The following INTS4 variants were observed in gnomAD, a reference collection of about 807,000 sequenced individuals.
The protein encoded by INTS4 is MSTP093.
A neutral mutation model predicts 119.5 loss-of-function variants in INTS4; 70 were observed. The ratio of observed to expected loss-of-function variants is 0.59; its 90% CI spans 0.48 to 0.71. INTS4 has a LOEUF of 0.71. Ranked by LOEUF, INTS4 falls within the 30% of genes least tolerant of loss-of-function variation. The pLI is 0.00. For synonymous variants in INTS4, 316 were observed against 419.6 expected, an observed-to-expected ratio of 0.75 and a Z score of 3.02; for missense variants, 867 against 1,173.2, an observed-to-expected ratio of 0.74 and a Z score of 3.81.
Position 77,952,913 on chromosome 11 carries a change from T to C in INTS4, c.918+3029A>G, listed in dbSNP as rs193144782. Among the ~76,000 whole-genome samples, 7 of 152,304 alleles carry C rather than the reference T, an allele frequency of 4.6e-5. No homozygotes were observed. The East Asian group carries it at 7.7e-4, about 17-fold the overall frequency. On this transcript the variant is annotated intron_variant, in intron 8 of 22. Transcript: ENST00000534064. ...CCTCCCCACTCCCACCTAGAGTTCA[T>C]TGTAGATCCTCTGTAAATGCCGAAT...
intron 2 of INTS4, among the ~76,000 whole-genome samples, chr11:77,984,035 G>A (rs776671495): frequency 6.6e-6 from 1 of 152,128 alleles, no homozygotes; most frequent in South Asian, 2.1e-4. Flanking sequence ...ACACATAATG[G>A]AATATTATTT....
chr11:77,992,465 C>T (rs953905127), intron 1 of INTS4, among the ~76,000 whole-genome samples: 1 of 152,114 alleles, frequency 6.6e-6, no homozygotes, highest in Non-Finnish European at 1.5e-5. Context: ...CTTTGGGAGG[C>T]TGAGGCAGGA....
At chr11:77,981,190 C>CAAAAAAAAAAAAAAAAAAAA (rs35194381) in intron 3 of INTS4, among the ~76,000 whole-genome samples, 5 of 88,840 alleles carry the variant, frequency 5.6e-5, no homozygotes, top group Admixed American at 1.2e-4. Context: ...AACAAACAAG[C>CAAAAAAAAAAAAAAAAAAAA]AAAAAAAAAA....
chr11:77,962,464 A>G (rs1354580898), intron 4 of INTS4, among the ~76,000 whole-genome samples: 2 of 152,158 alleles, frequency 1.3e-5, no homozygotes, highest in African/African-American at 2.4e-5. Context: ...CTCCTGCATT[A>G]CCCTAGTCCA....
At chr11:77,956,200 A>G (rs1282531485) in intron 7 of INTS4, 138 bp from the exon 8 acceptor site, 5 of 822,588 alleles carry the variant, frequency 6.1e-6, no homozygotes, top group Non-Finnish European at 9.4e-6. Context: ...CTTGAGCCCA[A>G]GAGTTCAAGA....
chr11:77,923,947 T>C (rs1483520762), intron 12 of INTS4, among the ~76,000 whole-genome samples: 1 of 150,626 alleles, frequency 6.6e-6, no homozygotes, highest in Admixed American at 6.6e-5. Flanking sequence ...GCATTTTTAG[T>C]AGAGATGAGG....
At chr11:77,991,921 C>T (rs7120314) in intron 1 of INTS4, among the ~76,000 whole-genome samples, 58,308 of 151,704 alleles carry the variant, frequency 0.38, 11,399 homozygotes, top group African/African-American at 0.43. Context: ...CCACCTACTA[C>T]GTTCAAGCGA....
At chr11:77,926,164 G>A (rs943472846) in intron 11 of INTS4, among the ~76,000 whole-genome samples, 1 of 151,056 alleles carries the variant, frequency 6.6e-6, no homozygotes, top group African/African-American at 2.4e-5. Context: ...ATTTTTCTAG[G>A]CAGGGTAGGA....
At chr11:77,923,798 T>G (rs1358034987) in intron 12 of INTS4, among the ~76,000 whole-genome samples, 1 of 149,606 alleles carries the variant, frequency 6.7e-6, no homozygotes, top group Non-Finnish European at 1.5e-5. Context: ...TGAGTCTTGC[T>G]CTGCTGCCCA....
rs371899544 is a variant in INTS4 at position 77,909,360 on chromosome 11, T to C, written c.1923-1550A>G. The stretch of plus-strand genomic sequence containing the variant: ...GTGGGTTATAAACAACCGAAATTTA[T>C]TTCTCACAGTTGTATAGGCTGGGAA... On this transcript the variant is annotated intron_variant, in intron 15 of 22. Coordinates refer to ENST00000534064, the MANE Select transcript of INTS4 (RefSeq NM_033547.4). 6.2e-4 allele frequency among the ~76,000 whole-genome samples: 95 copies of C among 152,370 alleles called. 2 individuals carry two copies. Among genetic ancestry groups the C allele is most frequent in the African/African-American group, 2.3e-3 (94 of 41,588 alleles).
At chr11:77,981,426 C>T in intron 3 of INTS4, 33 bp downstream of exon 3, 1 of 1,068,050 alleles carries the variant, frequency 9.4e-7, no homozygotes, top group Non-Finnish European at 1.4e-6. Context: ...AATATTTCTG[C>T]TCTGACTATA....
Position 77,891,325 on chromosome 11 carries a change from C to T in INTS4, c.2586G>A (p.Lys862=). The change falls in exon 21 of 23, where the codon AAG becomes AAA. Residue 862 remains lysine, a synonymous_variant. Coordinates refer to ENST00000534064, the MANE Select transcript of INTS4 (RefSeq NM_033547.4). ...EHVQDPQNTV[K]VQVLYPDGQA... The stretch of plus-strand genomic sequence containing the variant: ...GGACCCAAACCCGACAGACCTGGAC[C>T]TTAACAGTGTTCTGAGGATCCTGCA... 1 of 1,610,062 alleles carries T rather than the reference C, an allele frequency of 6.2e-7. No homozygotes were observed. The highest frequency in any genetic ancestry group is 1.1e-5 in the South Asian group (1 of 90,340).
intron 10 of INTS4, among the ~76,000 whole-genome samples, chr11:77,935,912 A>AAAGAAAGAGAGAAAAAAGAC (rs1953779889): frequency 7.0e-6 from 1 of 142,606 alleles, no homozygotes; most frequent in Non-Finnish European, 1.5e-5. Flanking sequence ...AAAAAAAAGA[A>AAAGAAAGAGAGAAAAAAGAC]AAGAAGAGGT....
intron 1 of INTS4, 69 bp from the exon 2 acceptor site, chr11:77,991,368 G>T: frequency 2.5e-6 from 3 of 1,219,002 alleles, no homozygotes; most frequent in South Asian, 1.3e-5. Flanking sequence ...TGGTGGAAAT[G>T]ATTTTCCATT....
intron 18 of INTS4, among the ~76,000 whole-genome samples, chr11:77,900,320 T>C (rs1341944640): frequency 6.6e-6 from 1 of 152,082 alleles, no homozygotes; most frequent in African/African-American, 2.4e-5. Context: ...AGGATGCTCT[T>C]GATCTCCTGA....
intron 18 of INTS4, among the ~76,000 whole-genome samples, chr11:77,895,866 G>GA (rs1439463835): frequency 5.9e-5 from 9 of 152,228 alleles, no homozygotes; most frequent in African/African-American, 1.7e-4. Context: ...AGGCCTCTAA[G>GA]AACTCCTACT....
Position 77,918,816 on chromosome 11 carries a change from C to T in INTS4, c.1922+5G>A, listed in dbSNP as rs1429217273. On this transcript the variant is annotated splice_donor_5th_base_variant and intron_variant, in intron 15 of 22. Transcript: ENST00000534064. The stretch of plus-strand genomic sequence containing the variant: ...CTCTGTCAGATGAAGGGATGATTAC[C>T]CTACCTGATGGTGAATTCCAGCAGC... 15 of 1,612,450 alleles carry T rather than the reference C, an allele frequency of 9.3e-6. No individual in the cohort carries two copies. The highest frequency in any genetic ancestry group is 1.3e-5 in the African/African-American group (1 of 74,854).
chr11:77,892,163 C>G (rs755496236), intron 19 of INTS4, among the ~76,000 whole-genome samples: 1 of 152,152 alleles, frequency 6.6e-6, no homozygotes, highest in Non-Finnish European at 1.5e-5. Context: ...TTAACAAATA[C>G]ATTTTTAAGA....
chr11:77,931,507 T>C (rs629396), intron 10 of INTS4, among the ~76,000 whole-genome samples: 2 of 152,202 alleles, frequency 1.3e-5, no homozygotes, highest in East Asian at 1.9e-4. Flanking sequence ...GATAAATCCT[T>C]GAGGAGATGG....
Sources: gnomAD v4.1 joint callset for allele counts (sites outside exome capture counted in the v4.1 genomes callset) on GRCh38, gnomAD v4.1.1 for gene constraint, MANE v1.5 for transcripts, NCBI Gene and HGNC (gene_info 2026-07-23, HGNC 2026-07-21) for gene names.